AP3B2: variants seen among roughly 807,000 people sequenced by gnomAD.
AP3B2 encodes the protein AP-3 complex subunit beta-2.
In AP3B2, 50 loss-of-function variants were observed where a neutral mutation model predicts 126.9. The observed-to-expected ratio is 0.39, with a 90% CI of 0.31 to 0.50. AP3B2 has a LOEUF of 0.50. Among genes scored for constraint, AP3B2 ranks in the 20% least tolerant of loss-of-function variants. AP3B2 has a pLI of 0.79. For missense variants in AP3B2, 1,177 were observed against 1,426.4 expected, an observed-to-expected ratio of 0.83 and a Z score of 2.82; for synonymous variants, 541 against 565.0, an observed-to-expected ratio of 0.96 and a Z score of 0.60.
chr15:82,695,496 T>C (rs2151456241), intron 1 of AP3B2, among the ~76,000 whole-genome samples: 1 of 152,256 alleles, frequency 6.6e-6, no homozygotes, highest in East Asian at 1.9e-4. Context: ...CGATCAATCA[T>C]GAAGCCTTCA....
At chr15:82,666,670 A>C in intron 15 of AP3B2, 77 bp downstream of exon 15, 1 of 1,498,078 alleles carries the variant, frequency 6.7e-7, no homozygotes, top group South Asian at 1.3e-5. Flanking sequence ...TAGGGGCCTC[A>C]GGAAGGTCTG....
intron 14 of AP3B2, among the ~76,000 whole-genome samples, chr15:82,667,733 A>C (rs1005060559): frequency 5.3e-5 from 8 of 152,210 alleles, no homozygotes; most frequent in Non-Finnish European, 1.2e-4. Flanking sequence ...CCTTCTGAGA[A>C]GTAGGCATTA....
chr15:82,692,097 C>T (rs992098135), intron 1 of AP3B2: 9 of 1,494,918 alleles, frequency 6.0e-6, no homozygotes, highest in South Asian at 1.1e-5. Flanking sequence ...CACCACGGGG[C>T]CACCCACCCC....
chr15:82,670,909 CAAAAG>C (rs2048146438), intron 14 of AP3B2, among the ~76,000 whole-genome samples: 1 of 152,140 alleles, frequency 6.6e-6, no homozygotes, highest in South Asian at 2.1e-4. Flanking sequence ...AGACATTTCT[CAAAAG>C]AAGACATACA....
chr15:82,670,633 C>G (rs1160159221), intron 14 of AP3B2, among the ~76,000 whole-genome samples: 1 of 152,172 alleles, frequency 6.6e-6, no homozygotes, highest in Non-Finnish European at 1.5e-5. Flanking sequence ...TTCTCCAGGA[C>G]ATTGTACTGG....
At chr15:82,702,831 C>T (rs1430928518) in intron 1 of AP3B2, among the ~76,000 whole-genome samples, 1 of 152,152 alleles carries the variant, frequency 6.6e-6, no homozygotes, top group Non-Finnish European at 1.5e-5. Flanking sequence ...ATCCCCTGTC[C>T]TCCTGCTCTT....
rs2048319991 is a variant in AP3B2, at chr15:82,680,545, A to G, written c.982T>C (p.Tyr328His). The G allele has an allele frequency of 6.4e-7, 1 of 1,563,660 alleles. No individual in the cohort carries two copies. The highest frequency in any genetic ancestry group is 2.3e-5 in the East Asian group (1 of 42,682). ...AAVVMAVAQL[Y>H]FHLAPKAEVG... Reference sequence around the variant, plus strand: ...TCCGCCTTGGGCGCCAGGTGGAAGTAGAGCTGCGCCACCGCCATCACCACC... The same window carrying G: ...TCCGCCTTGGGCGCCAGGTGGAAGTGGAGCTGCGCCACCGCCATCACCACC... Residue 328 changes from tyrosine (Y) to histidine (H), a missense_variant, in exon 8 of 27, where the codon TAC becomes CAC. Transcript: ENST00000535359. This position sits in a 1 kb window ranked among gnomAD's most constrained non-coding sequence, Gnocchi z 6.1.
chr15:82,696,628 C>T (rs1200741775), intron 1 of AP3B2, among the ~76,000 whole-genome samples: 1 of 152,160 alleles, frequency 6.6e-6, no homozygotes, highest in Non-Finnish European at 1.5e-5. Flanking sequence ...CTCTTTGCAG[C>T]ATTCACTGTC....
chr15:82,680,127 C>T lies in AP3B2; in HGVS notation c.1110+48G>A. 2.5e-6 allele frequency: 4 copies of T among 1,610,556 alleles called. No homozygotes were observed. The highest frequency in any genetic ancestry group is 2.5e-6 in the Non-Finnish European group (3 of 1,179,080). ...GCCCCGACAACGCCTCCAGTGCCCG[C>T]AGAAGCGGCCCTCGGACAGCGAGGA... On this transcript the variant is annotated intron_variant, in intron 9 of 26. Coordinates refer to ENST00000535359, the MANE Select transcript of AP3B2 (RefSeq NM_001278512.2). This position sits in a 1 kb window ranked among gnomAD's most constrained non-coding sequence, Gnocchi z 6.1.
At chr15:82,691,106 A>G (rs1393322523) in intron 1 of AP3B2, among the ~76,000 whole-genome samples, 3 of 152,178 alleles carry the variant, frequency 2.0e-5, no homozygotes, top group Non-Finnish European at 4.4e-5. Flanking sequence ...ATGATTTACA[A>G]TCCTTTGGGT....
intron 1 of AP3B2, chr15:82,692,352 C>T: frequency 1.9e-6 from 1 of 539,788 alleles, no homozygotes; most frequent in Non-Finnish European, 3.2e-6. Flanking sequence ...TCCGCCCAGC[C>T]CAACATCGGC....
chr15:82,692,024 C>A, intron 1 of AP3B2: 1 of 1,469,398 alleles, frequency 6.8e-7, no homozygotes, highest in Admixed American at 1.9e-5. Flanking sequence ...CTGCCAGCTG[C>A]CTGAGGAAGT....
chr15:82,668,929 A>T (rs923239239), intron 14 of AP3B2, among the ~76,000 whole-genome samples: 2 of 152,254 alleles, frequency 1.3e-5, no homozygotes, highest in Admixed American at 1.3e-4. Context: ...TACCTTGCAG[A>T]TGCCTGCTAA....
At chr15:82,688,441 T>C in intron 4 of AP3B2, 1 of 701,644 alleles carries the variant, frequency 1.4e-6, no homozygotes, top group South Asian at 1.5e-5. Flanking sequence ...TGCTAGAGAC[T>C]CTCCACTCTC....
At position 82,697,177 on chromosome 15, in the gene AP3B2, A is replaced by T. The variant is rs183515827; in HGVS notation, c.114-7724T>A. 4.3e-3 allele frequency among the ~76,000 whole-genome samples: 647 copies of T among 149,770 alleles called. 2 individuals are homozygous for T. The highest frequency in any genetic ancestry group is 6.0e-3 in the Admixed American group (91 of 15,088). On this transcript the variant is annotated intron_variant, in intron 1 of 26. Transcript: ENST00000535359. Reference sequence around the variant, plus strand: ...AAACCCCGTCTCTACTAAAAAATTTAAAAAAAATTAGCCGGGTGTGGTGGC... The same window carrying T: ...AAACCCCGTCTCTACTAAAAAATTTTAAAAAAATTAGCCGGGTGTGGTGGC...
rs1008404943 is a variant in AP3B2 at position 82,679,588 on chromosome 15, C to G, written c.1182+141G>C. ...TCCTTAGCCCAGCTCCCTGAACAAA[C>G]AGCTCCAGCTGGGGCAGTCATGGGC... On this transcript the variant is annotated intron_variant, in intron 10 of 26. Transcript: ENST00000535359. 1.1e-4 allele frequency: 83 copies of G among 755,764 alleles called. No individual in the cohort carries two copies. In the East Asian group the frequency reaches 2.1e-3, roughly 20 times the overall value. 46.8% of individuals were successfully genotyped at this position (755,764 alleles called of 1,614,324 possible). A position where few individuals can be genotyped will look rare whatever the true frequency, so the allele number is the denominator to read the frequency against.
At chr15:82,672,264 C>A (rs1479726126) in intron 14 of AP3B2, among the ~76,000 whole-genome samples, 1 of 151,906 alleles carries the variant, frequency 6.6e-6, no homozygotes, top group African/African-American at 2.4e-5. Flanking sequence ...CAATGCAGTA[C>A]TATAAAAAAA....
intron 24 of AP3B2, 101 bp downstream of exon 24, chr15:82,662,067 C>A: frequency 1.5e-6 from 2 of 1,333,468 alleles, no homozygotes; most frequent in East Asian, 2.5e-5. Context: ...CCCACCCAAT[C>A]ATGATGTATC....
chr15:82,688,457 G>T (rs1286663052), intron 4 of AP3B2: 2 of 702,158 alleles, frequency 2.8e-6, no homozygotes, highest in Admixed American at 2.0e-5. Flanking sequence ...CTCTCCGGGG[G>T]CTCAAGTGGT....
Sources: gnomAD v4.1 joint callset for allele counts (sites outside exome capture counted in the v4.1 genomes callset) on GRCh38, gnomAD v4.1.1 for gene constraint, Gnocchi (gnomAD v3.1) non-coding constraint, MANE v1.5 for transcripts, NCBI Gene and HGNC (gene_info 2026-07-23, HGNC 2026-07-21) for gene names.